The following ZNF674 variants were observed in gnomAD, a reference collection of about 807,000 sequenced individuals.
ZNF674 encodes zinc finger family member 674.
In ZNF674, 2 loss-of-function variants were observed where a neutral mutation model predicts 7.0. The ratio of observed to expected loss-of-function variants is 0.29; its 90% CI spans 0.12 to 0.90. The LOEUF (loss-of-function observed/expected upper bound fraction) is 0.90, where lower values mean the gene tolerates loss of function less well. Ranked by LOEUF, ZNF674 falls within the 40% of genes least tolerant of loss-of-function variation. The pLI, the probability that ZNF674 is intolerant of heterozygous loss-of-function variation, is 0.57. For missense variants in ZNF674, 297 were observed against 415.5 expected (o/e 0.71, Z 2.48); for synonymous variants, 103 against 145.2 (o/e 0.71, Z 2.09).
chrX:46,514,128 A>G (rs1941715464), intron 5 of ZNF674, among the ~76,000 whole-genome samples: 1 of 111,408 alleles, frequency 9.0e-6, no homozygotes, highest in Non-Finnish European at 1.9e-5. Context: ...GCTAAGGAAA[A>G]TAATTTCTTT....
rs1361684927 is a variant in ZNF674, at chrX:46,529,690, C to T, written c.16-781G>A. Reference sequence around the variant, plus strand: ...TCTCAAAAAAAAAAAAAAAAAGACACCTCTTAAACTCAAGGAGCTTCAGTT... The same window carrying T: ...TCTCAAAAAAAAAAAAAAAAAGACATCTCTTAAACTCAAGGAGCTTCAGTT... On this transcript the variant is annotated intron_variant, in intron 3 of 5. Coordinates refer to ENST00000683375, the MANE Select transcript of ZNF674 (RefSeq NM_001190417.2). 2 of 107,007 alleles carry T rather than the reference C, an allele frequency of 1.9e-5. 1 individual carries two copies. Among genetic ancestry groups the T allele is most frequent in the Non-Finnish European group, 3.9e-5 (2 of 51,934 alleles). 8.8% of individuals were successfully genotyped at this position (107,007 alleles called of 1,213,427 possible). A position where few individuals can be genotyped will look rare whatever the true frequency, so the allele number is the denominator to read the frequency against.
intron 5 of ZNF674, among the ~76,000 whole-genome samples, chrX:46,512,127 G>A (rs966141118): frequency 1.8e-5 from 2 of 111,920 alleles, no homozygotes; most frequent in Admixed American, 9.5e-5. Flanking sequence ...TTGGGAGGCC[G>A]AGGCGGGAGG....
At chrX:46,540,243 CAAA>C (rs1192310748) in intron 3 of ZNF674, among the ~76,000 whole-genome samples, 1 of 79,979 alleles carries the variant, frequency 1.3e-5, no homozygotes, top group African/African-American at 4.7e-5. Context: ...GACTCTGTCT[CAAA>C]AAAAAAAAAA....
At chrX:46,505,426 A>C (rs1472342867) in intron 5 of ZNF674, among the ~76,000 whole-genome samples, 1 of 111,812 alleles carries the variant, frequency 8.9e-6, no homozygotes, top group Admixed American at 9.6e-5. Flanking sequence ...CAATCATTTC[A>C]CGACTTTAGA....
chrX:46,511,742 G>A (rs1376397298), intron 5 of ZNF674, among the ~76,000 whole-genome samples: 1 of 112,479 alleles, frequency 8.9e-6, no homozygotes, highest in African/African-American at 3.2e-5. Flanking sequence ...TGGTACAACA[G>A]GCCGGGCGCA....
At chrX:46,530,243 T>C (rs73630227) in intron 3 of ZNF674, among the ~76,000 whole-genome samples, 5,185 of 111,708 alleles carry the variant, frequency 0.046, 175 homozygotes, top group African/African-American at 0.12. Context: ...GGAAAGCCAG[T>C]GTGCCAGAGG....
At chrX:46,527,417 A>G (rs1942028377) in intron 5 of ZNF674, among the ~76,000 whole-genome samples, 1 of 111,610 alleles carries the variant, frequency 9.0e-6, no homozygotes, top group East Asian at 2.8e-4. Flanking sequence ...TTAAATCACA[A>G]TGAGATCCCC....
intron 5 of ZNF674, among the ~76,000 whole-genome samples, chrX:46,507,029 T>C (rs1232329111): frequency 1.8e-5 from 2 of 110,890 alleles, no homozygotes; most frequent in East Asian, 5.7e-4. Flanking sequence ...TGGTGATAAG[T>C]ATATGGAGAA....
At chrX:46,521,029 T>C (rs1161657991) in intron 5 of ZNF674, among the ~76,000 whole-genome samples, 1 of 108,528 alleles carries the variant, frequency 9.2e-6, no homozygotes, top group African/African-American at 3.3e-5. Flanking sequence ...TCTACTAAAA[T>C]ACAAAAAATT....
At chrX:46,509,347 A>G (rs1370955605) in intron 5 of ZNF674, among the ~76,000 whole-genome samples, 2 of 110,811 alleles carry the variant, frequency 1.8e-5, no homozygotes, top group Non-Finnish European at 3.8e-5. Flanking sequence ...CAGAGTGAAC[A>G]GGAAACCTAC....
At chrX:46,542,040 C>G in intron 3 of ZNF674, 33 bp downstream of exon 3, 6 of 1,189,130 alleles carry the variant, frequency 5.0e-6, no homozygotes, top group Non-Finnish European at 6.8e-6. Context: ...CTCAATTTCA[C>G]TGGAAAAAAA....
At chrX:46,506,760 G>A (rs369591179) in intron 5 of ZNF674, among the ~76,000 whole-genome samples, 3 of 111,405 alleles carry the variant, frequency 2.7e-5, no homozygotes, top group Non-Finnish European at 5.6e-5. Flanking sequence ...CCTTTCTTAC[G>A]AAAGTACTTG....
chrX:46,515,366 C>CA (rs57262712), intron 5 of ZNF674, among the ~76,000 whole-genome samples: 23,128 of 68,629 alleles, frequency 0.34, 3,023 homozygotes, highest in Middle Eastern at 0.5. Context: ...GAGACTCTCT[C>CA]AAAAAAAAAA....
chrX:46,508,057 GT>G (rs36072279), intron 5 of ZNF674, among the ~76,000 whole-genome samples: 45,708 of 106,125 alleles, frequency 0.43, 8,034 homozygotes, highest in African/African-American at 0.66. Context: ...AAAACTAAGA[GT>G]TTTTTTTTTT....
At chrX:46,510,280 A>G (rs1271078957) in intron 5 of ZNF674, among the ~76,000 whole-genome samples, 1 of 111,062 alleles carries the variant, frequency 9.0e-6, no homozygotes, top group Non-Finnish European at 1.9e-5. Context: ...CCTAAAACTT[A>G]AAGTATAATA....
chrX:46,528,773 G>C lies in ZNF674; in HGVS notation c.142+10C>G, dbSNP rs776519794. 1 of 1,209,588 alleles carries C rather than the reference G, an allele frequency of 8.3e-7. No individual in the cohort carries two copies. The highest frequency in any genetic ancestry group is 1.8e-5 in the African/African-American group (1 of 57,076). ...GGCATTCTGCATCACCCTGTGGCGC[G>C]GTCCCTCACCCACGGACACCAGGTG... On this transcript the variant is annotated intron_variant, in intron 4 of 5. Transcript: ENST00000683375.
rs745589131 is a variant in ZNF674 at position 46,533,255 on chromosome X, T to C, written c.16-4346A>G. On this transcript the variant is annotated intron_variant, in intron 3 of 5. Coordinates refer to ENST00000683375, the MANE Select transcript of ZNF674 (RefSeq NM_001190417.2). ...GGCCAACCTCCACCAACCGGTCCTA[T>C]GGCCCCACCCAGAAGCTGAATCCAT... Among the ~76,000 whole-genome samples, 7 of 111,409 alleles carry C rather than the reference T, an allele frequency of 6.3e-5. No homozygotes were observed. The East Asian group carries it at 1.4e-3, about 22-fold the overall frequency.
rs145384412 is a variant in ZNF674, at chrX:46,542,696, C to T, written c.-29-580G>A. 1.8e-3 allele frequency among the ~76,000 whole-genome samples: 201 copies of T among 111,137 alleles called. 2 individuals are homozygous for T. Among genetic ancestry groups the T allele is most frequent in the African/African-American group, 5.6e-3 (172 of 30,660 alleles). ...CCCTGCACTCCAGCCTGTGTGACAA[C>T]GTCAGAGCCTGGCTCAAAAATAAAC... On this transcript the variant is annotated intron_variant, in intron 2 of 5. Coordinates refer to ENST00000683375, the MANE Select transcript of ZNF674 (RefSeq NM_001190417.2).
At position 46,513,043 on chromosome X, in the gene ZNF674, T is replaced by C. The variant is rs184937426; in HGVS notation, c.239-11708A>G. On this transcript the variant is annotated intron_variant, in intron 5 of 5. Coordinates refer to ENST00000683375, the MANE Select transcript of ZNF674 (RefSeq NM_001190417.2). ...ACTTTGGGAGGCCGAGGCAGGCAGA[T>C]CACGAGGTCAAGAGATCGAGACCAT... Among the ~76,000 whole-genome samples the C allele has an allele frequency of 5.1e-3, 570 of 110,972 alleles. 5 individuals carry two copies. The highest frequency in any genetic ancestry group is 0.019 in the East Asian group (67 of 3,502).
Sources: allele counts gnomAD v4.1 joint callset (sites outside exome capture counted in the v4.1 genomes callset), GRCh38; gene constraint gnomAD v4.1.1; transcripts MANE v1.5; gene names NCBI Gene and HGNC (gene_info 2026-07-23, HGNC 2026-07-21).